The following BARD1 variants were observed in gnomAD, a reference collection of about 807,000 sequenced individuals.
BARD1 encodes the protein BRCA1-associated RING domain protein 1.
A neutral mutation model predicts 77.0 loss-of-function variants in BARD1; 73 were observed. The observed-to-expected ratio is 0.95, with a 90% confidence interval of 0.79 to 1.15. The LOEUF (loss-of-function observed/expected upper bound fraction) is 1.15, where lower values mean the gene tolerates loss of function less well. BARD1 is among the 50% of genes most tolerant of loss of function. The pLI is 0.00. For missense variants in BARD1, 993 were observed against 938.8 expected (o/e 1.06, Z -0.75); for synonymous variants, 384 against 338.0 (o/e 1.14, Z -1.49).
chr2:214,750,354 G>A (rs1009387884), intron 7 of BARD1, among the ~76,000 whole-genome samples: 6 of 152,090 alleles, frequency 3.9e-5, no homozygotes, highest in African/African-American at 7.2e-5. Context: ...GTCTAAACTC[G>A]TATCAGGGAA....
In BARD1 at chr2:214,797,056, C is replaced by G; in HGVS notation, c.215+5G>C. 2 of 1,606,806 alleles carry G rather than the reference C, an allele frequency of 1.2e-6. No homozygotes were observed. Among genetic ancestry groups the G allele is most frequent in the Admixed American group, 1.7e-5 (1 of 59,990 alleles). ...TACTATATACATCAAACCGTAATTACTTACCTACAGAAGATGTGCTCACAT... is the reference window on the plus strand; with the variant it reads ...TACTATATACATCAAACCGTAATTAGTTACCTACAGAAGATGTGCTCACAT... On this transcript the variant is annotated splice_donor_5th_base_variant and intron_variant, in intron 2 of 10. Coordinates refer to ENST00000260947, the MANE Select transcript of BARD1 (RefSeq NM_000465.4).
chr2:214,785,309 G>A (rs6728637), intron 3 of BARD1, among the ~76,000 whole-genome samples: 4,189 of 151,946 alleles, frequency 0.028, 97 homozygotes, highest in South Asian at 0.078. Context: ...TGATTTTGAC[G>A]ATCAACTACC....
At chr2:214,737,150 T>C (rs1024035555) in intron 9 of BARD1, among the ~76,000 whole-genome samples, 1 of 152,060 alleles carries the variant, frequency 6.6e-6, no homozygotes, top group Admixed American at 6.6e-5. Flanking sequence ...GTAGATTACA[T>C]AAATGTGTGA....
At chr2:214,769,435 C>T in intron 4 of BARD1, 123 bp from the exon 5 acceptor site, 1 of 797,712 alleles carries the variant, frequency 1.3e-6, no homozygotes, top group Non-Finnish European at 2.1e-6. Flanking sequence ...CTTAAGGCTA[C>T]TGTTCATGAG....
chr2:214,774,887 C>CT (rs1694670863), intron 4 of BARD1, among the ~76,000 whole-genome samples: 1 of 152,192 alleles, frequency 6.6e-6, no homozygotes. Context: ...ATGGAGACAG[C>CT]TTTTTTCCTT....
chr2:214,740,119 A>T (rs1024222296), intron 9 of BARD1, among the ~76,000 whole-genome samples: 2 of 152,026 alleles, frequency 1.3e-5, no homozygotes, highest in African/African-American at 4.8e-5. Flanking sequence ...AATTCTCCTA[A>T]TTATTAGAAA....
intron 2 of BARD1, among the ~76,000 whole-genome samples, chr2:214,794,153 G>A (rs1204928875): frequency 6.6e-6 from 1 of 152,030 alleles, no homozygotes; most frequent in Non-Finnish European, 1.5e-5. Flanking sequence ...CTCAGAAAGT[G>A]AGATTGGATG....
chr2:214,809,086 C>G (rs1003362037), intron 1 of BARD1, among the ~76,000 whole-genome samples: 1 of 152,176 alleles, frequency 6.6e-6, no homozygotes, highest in South Asian at 2.1e-4. Context: ...CAGCCCCACC[C>G]CAGCCCGATT....
intron 4 of BARD1, among the ~76,000 whole-genome samples, chr2:214,770,962 G>T (rs780150588): frequency 6.6e-6 from 1 of 152,052 alleles, no homozygotes; most frequent in Non-Finnish European, 1.5e-5. Context: ...TACATATTAC[G>T]TTTTAAGTAT....
chr2:214,803,696 CAG>C (rs1476573428), intron 1 of BARD1, among the ~76,000 whole-genome samples: 2 of 152,166 alleles, frequency 1.3e-5, no homozygotes, highest in Non-Finnish European at 2.9e-5. Context: ...TAAGGGAACT[CAG>C]AGGCTGGCGG....
chr2:214,728,944 T>C lies in BARD1; in HGVS notation c.2066A>G (p.Asp689Gly), dbSNP rs1060501312. 7 of 1,614,072 alleles carry C rather than the reference T, an allele frequency of 4.3e-6. No individual in the cohort carries two copies. The highest frequency in any genetic ancestry group is 3.3e-5 in the Admixed American group (2 of 60,004). The change falls in exon 11 of 11, where the codon GAC (aspartate) becomes GGC (glycine). Residue 689 changes from aspartate to glycine, a missense_variant. Coordinates refer to ENST00000260947, the MANE Select transcript of BARD1 (RefSeq NM_000465.4). Reference protein sequence around the residue: ...LWGTFKHHPKDNLIKLVTAGG... With the variant: ...LWGTFKHHPKGNLIKLVTAGG... ...TGCAGTGACGAGCTTAATAAGGTTG[T>C]CCTTTGGATGGTGTTTGAAGGTTCC...
chr2:214,762,228 T>C (rs2034251), intron 6 of BARD1, among the ~76,000 whole-genome samples: 63,387 of 151,936 alleles, frequency 0.42, 13,296 homozygotes, highest in South Asian at 0.5. Flanking sequence ...AGGCTATGTG[T>C]ATAAAATGTT....
chr2:214,809,555 C>T lies in BARD1; in HGVS notation c.15G>A (p.Arg5=), dbSNP rs769204862. 6.4e-7 allele frequency: 1 copy of T among 1,561,226 alleles called. No individual in the cohort carries two copies. The highest frequency in any genetic ancestry group is 8.6e-7 in the Non-Finnish European group (1 of 1,156,168). Residue 5 remains arginine (R), a synonymous_variant, in exon 1 of 11, where the codon CGG becomes CGA. Transcript: ENST00000260947. Reference sequence around the variant, plus strand: ...TCCTCGGCTGCCGGTTCCTCGGCTGCCGATTATCCGGCATCGTCCCGCCTT... The same window carrying T: ...TCCTCGGCTGCCGGTTCCTCGGCTGTCGATTATCCGGCATCGTCCCGCCTT... MPDN[R]QPRNRQPRIR... is the part of the protein sequence containing the mutation.
chr2:214,738,289 C>T lies in BARD1; in HGVS notation c.1903+6778G>A, dbSNP rs111301824. ...TGTTCTCCATTTCATGTAAGCTTTC[C>T]TTTTTTCCTGAGATCTTATTAATTT... On this transcript the variant is annotated intron_variant, in intron 9 of 10. Coordinates refer to ENST00000260947, the MANE Select transcript of BARD1 (RefSeq NM_000465.4). 2.6e-3 allele frequency among the ~76,000 whole-genome samples: 391 copies of T among 152,122 alleles called. 2 individuals carry two copies. Among genetic ancestry groups the T allele is most frequent in the African/African-American group, 8.8e-3 (364 of 41,492 alleles).
chr2:214,780,765 C>T lies in BARD1; in HGVS notation c.1109G>A (p.Arg370His), dbSNP rs730881416. 31 of 1,613,914 alleles carry T rather than the reference C, an allele frequency of 1.9e-5. No individual in the cohort carries two copies. The highest frequency in any genetic ancestry group is 2.5e-5 in the Non-Finnish European group (29 of 1,179,972). Reference sequence around the variant, plus strand: ...CCTCCCTGATGTACCACCAACTTTACGTTTGCATGAAGGTGGTGAAGAACA... The same window carrying T: ...CCTCCCTGATGTACCACCAACTTTATGTTTGCATGAAGGTGGTGAAGAACA... ...PECSSPPSCKRKVGGTSGRKN... is the reference protein window; with the variant it reads ...PECSSPPSCKHKVGGTSGRKN... The change falls in exon 4 of 11, where the codon CGT (arginine) becomes CAT (histidine). Residue 370 changes from arginine (R) to histidine (H), a missense_variant. Arg to His is a conservative substitution (Grantham distance 29). Coordinates refer to ENST00000260947, the MANE Select transcript of BARD1 (RefSeq NM_000465.4).
intron 9 of BARD1, among the ~76,000 whole-genome samples, chr2:214,741,435 T>C (rs1163154607): frequency 6.6e-6 from 1 of 152,198 alleles, no homozygotes; most frequent in African/African-American, 2.4e-5. Flanking sequence ...ACATTTTATC[T>C]TGGCCTAGTT....
intron 7 of BARD1, among the ~76,000 whole-genome samples, chr2:214,748,525 G>GA (rs200702067): frequency 6.6e-6 from 1 of 151,658 alleles, no homozygotes; most frequent in Non-Finnish European, 1.5e-5. Flanking sequence ...AAAAAATCTA[G>GA]AAAAAAAATT....
chr2:214,807,031 CT>C (rs931093305), intron 1 of BARD1, among the ~76,000 whole-genome samples: 14 of 152,062 alleles, frequency 9.2e-5, no homozygotes, highest in Admixed American at 5.2e-4. Context: ...CTGTACAGCC[CT>C]TAAGGAAAGA....
At chr2:214,765,767 C>T (rs1694168770) in intron 6 of BARD1, among the ~76,000 whole-genome samples, 1 of 152,144 alleles carries the variant, frequency 6.6e-6, no homozygotes, top group African/African-American at 2.4e-5. Flanking sequence ...CACACACACA[C>T]ACAAATAAAA....
Sources: gnomAD v4.1 joint callset for allele counts (sites outside exome capture counted in the v4.1 genomes callset) on GRCh38, gnomAD v4.1.1 for gene constraint, MANE v1.5 for transcripts, NCBI Gene and HGNC (gene_info 2026-07-23, HGNC 2026-07-21) for gene names.